Variants in ERICH3 observed in about 807,000 individuals in gnomAD.
ERICH3 encodes the protein glutamate rich 3.
A neutral mutation model predicts 131.1 loss-of-function variants in ERICH3; 126 were observed. The observed-to-expected ratio is 0.96, with a 90% confidence interval of 0.83 to 1.11. The LOEUF (loss-of-function observed/expected upper bound fraction) is 1.11, where lower values mean the gene tolerates loss of function less well. Among genes scored for constraint, ERICH3 ranks in the 50% most tolerant of loss-of-function variants. ERICH3 has a pLI of 0.00. For missense variants in ERICH3, 2,050 were observed against 1,810.7 expected, an observed-to-expected ratio of 1.13 and a Z score of -2.40; for synonymous variants, 695 against 644.6, an observed-to-expected ratio of 1.08 and a Z score of -1.18.
intron 2 of ERICH3, among the ~76,000 whole-genome samples, chr1:74,648,341 T>C (rs1162915093): frequency 6.6e-6 from 1 of 152,154 alleles, no homozygotes; most frequent in East Asian, 1.9e-4. Context: ...ACGACAATTC[T>C]GAGAGGTGCA....
rs555727957 is a variant in ERICH3 at position 74,612,496 on chromosome 1, C to T, written c.1187+127G>A. 22 of 752,324 alleles carry T rather than the reference C, an allele frequency of 2.9e-5. No homozygotes were observed. In the African/African-American group the frequency reaches 3.2e-4, roughly 11 times the overall value. 46.6% of individuals were successfully genotyped at this position (752,324 alleles called of 1,614,324 possible). Reference sequence around the variant, plus strand: ...CCATGTTACAATAAACAACCCTGAACCTAGATATTGTAGGCCCATCTATAC... The same window carrying T: ...CCATGTTACAATAAACAACCCTGAATCTAGATATTGTAGGCCCATCTATAC... On this transcript the variant is annotated intron_variant, in intron 9 of 14. Coordinates refer to ENST00000326665, the MANE Select transcript of ERICH3 (RefSeq NM_001002912.5).
At chr1:74,648,533 G>T (rs562225270) in intron 2 of ERICH3, among the ~76,000 whole-genome samples, 5 of 152,264 alleles carry the variant, frequency 3.3e-5, no homozygotes, top group African/African-American at 9.6e-5. Context: ...GCCAAGCACA[G>T]AAACAACAAT....
intron 8 of ERICH3, among the ~76,000 whole-genome samples, chr1:74,617,008 T>G (rs1159015301): frequency 6.6e-6 from 1 of 151,964 alleles, no homozygotes; most frequent in Non-Finnish European, 1.5e-5. Context: ...ACGTTAGCAA[T>G]GAGCTATAAA....
At chr1:74,601,472 C>T (rs1193520167) in intron 10 of ERICH3, among the ~76,000 whole-genome samples, 1 of 151,788 alleles carries the variant, frequency 6.6e-6, no homozygotes, top group Non-Finnish European at 1.5e-5. Context: ...ATGTGATCCT[C>T]AGTAATGTTT....
chr1:74,628,022 T>G (rs1267074672), intron 7 of ERICH3, among the ~76,000 whole-genome samples: 1 of 152,196 alleles, frequency 6.6e-6, no homozygotes, highest in Non-Finnish European at 1.5e-5. Flanking sequence ...AAATCATAAC[T>G]GCATAAAATT....
intron 12 of ERICH3, chr1:74,579,913 C>CT (rs35520626): frequency 0.092 from 63,578 of 693,954 alleles, 360 homozygotes; most frequent in South Asian, 0.18. Context: ...AGAAAGTCAG[C>CT]TTTTTTTTTT....
rs1236851794 is a variant in ERICH3, at chr1:74,631,891, C to T, written c.641G>A (p.Gly214Asp). The T allele has an allele frequency of 1.9e-6, 3 of 1,613,064 alleles. No homozygotes were observed. Among genetic ancestry groups the T allele is most frequent in the Non-Finnish European group, 2.5e-6 (3 of 1,179,406 alleles). The change falls in exon 7 of 15, where the codon GGC (glycine) becomes GAC (aspartate). Residue 214 changes from glycine to aspartate, a missense_variant. Physicochemically the swap from Gly to Asp is moderately conservative, Grantham distance 94. Transcript: ENST00000326665. ...KAVMKFRNSIGNSQRMNSYQL... is the reference protein window; with the variant it reads ...KAVMKFRNSIDNSQRMNSYQL... The stretch of plus-strand genomic sequence containing the variant: ...ATATGAATTCATTCTCTGTGAATTG[C>T]CTATGGAGTTCCTGAACTTCATCAC...
intron 7 of ERICH3, chr1:74,625,920 G>T (rs1649400070): frequency 6.6e-6 from 1 of 152,168 alleles, no homozygotes; most frequent in Non-Finnish European, 1.5e-5. Context: ...CTCCCATTTG[G>T]ATGCTGGGCA....
chr1:74,623,035 C>T (rs1360019564), intron 7 of ERICH3: 1 of 152,142 alleles, frequency 6.6e-6, no homozygotes, highest in Non-Finnish European at 1.5e-5. Context: ...GACTGAACTG[C>T]CTCTATACTT....
chr1:74,573,507 T>C lies in ERICH3; in HGVS notation c.2219-16A>G. The C allele has an allele frequency of 6.7e-7, 1 of 1,492,944 alleles. No homozygotes were observed. The highest frequency in any genetic ancestry group is 8.9e-7 in the Non-Finnish European group (1 of 1,125,380). 92.5% of individuals were successfully genotyped at this position (1,492,944 alleles called of 1,614,324 possible). ...ATTGTTGGTGCTATAAAAATAAGGT[T>C]AGAAATCAAGATTACTTTAATCCAA... On this transcript the variant is annotated splice_polypyrimidine_tract_variant and intron_variant, in intron 13 of 14. Transcript: ENST00000326665.
intron 10 of ERICH3, among the ~76,000 whole-genome samples, chr1:74,604,049 C>A (rs1648271370): frequency 6.6e-6 from 1 of 151,868 alleles, no homozygotes; most frequent in South Asian, 2.1e-4. Flanking sequence ...AAATTGGGCT[C>A]AATCCTCTCA....
intron 11 of ERICH3, 108 bp downstream of exon 11, chr1:74,599,587 A>T: frequency 1.0e-6 from 1 of 961,804 alleles, no homozygotes; most frequent in Non-Finnish European, 1.5e-6. Context: ...TAGAAAACAT[A>T]CATTCAAGAG....
chr1:74,589,297 TTAAA>T (rs1366175532), intron 12 of ERICH3: 1 of 437,352 alleles, frequency 2.3e-6, no homozygotes, highest in Non-Finnish European at 4.0e-6. Context: ...ATTTCTAGTA[TTAAA>T]TAATCTCTAA....
intron 11 of ERICH3, 126 bp from the exon 12 acceptor site, chr1:74,590,206 C>T (rs1459311323): frequency 2.3e-6 from 2 of 851,630 alleles, no homozygotes; most frequent in Non-Finnish European, 3.5e-6. Context: ...ACCTGATATC[C>T]TTTTCCCATA....
intron 7 of ERICH3, chr1:74,624,630 G>A (rs1271663411): frequency 6.6e-6 from 1 of 152,116 alleles, no homozygotes; most frequent in Non-Finnish European, 1.5e-5. Flanking sequence ...AGATTTTCAG[G>A]ATCTCTCTCA....
chr1:74,621,223 A>T (rs1295729636), intron 7 of ERICH3, among the ~76,000 whole-genome samples: 1 of 152,142 alleles, frequency 6.6e-6, no homozygotes, highest in African/African-American at 2.4e-5. Flanking sequence ...TTTGTTATAT[A>T]TAGCAAAAAT....
At chr1:74,620,707 TA>T in intron 8 of ERICH3, 26 bp downstream of exon 8, 1 of 1,544,588 alleles carries the variant, frequency 6.5e-7, no homozygotes, top group East Asian at 2.3e-5. Flanking sequence ...TCCAAGCAAT[TA>T]AAAAACATTC....
chr1:74,663,771 A>G (rs1646663960), intron 1 of ERICH3, among the ~76,000 whole-genome samples: 1 of 152,022 alleles, frequency 6.6e-6, no homozygotes, highest in African/African-American at 2.4e-5. Flanking sequence ...AAGTCCTGAT[A>G]TTACTAAAAA....
intron 9 of ERICH3, among the ~76,000 whole-genome samples, chr1:74,609,986 G>A (rs1205905087): frequency 2.6e-5 from 4 of 151,896 alleles, no homozygotes; most frequent in African/African-American, 9.7e-5. Context: ...AAGTGCTCAG[G>A]GCTAATAATT....
Sources: gnomAD v4.1 joint callset for allele counts (sites outside exome capture counted in the v4.1 genomes callset) on GRCh38, gnomAD v4.1.1 for gene constraint, MANE v1.5 for transcripts, NCBI Gene and HGNC (gene_info 2026-07-23, HGNC 2026-07-21) for gene names.